The following NR2F1-AS1 variants were observed in gnomAD, a reference collection of about 807,000 sequenced individuals.
The protein encoded by NR2F1-AS1 is NR2F1 antisense RNA 1.
At chr5:93,419,126 G>A (rs935064956) in intron 4 of NR2F1-AS1, among the ~76,000 whole-genome samples, 16 of 152,306 alleles carry the variant, frequency 1.1e-4, no homozygotes, top group South Asian at 2.1e-4. Flanking sequence ...ACAGTTGAAG[G>A]ATGATTAATT....
At chr5:93,433,430 C>G (rs1749367829) in intron 4 of NR2F1-AS1, among the ~76,000 whole-genome samples, 1 of 152,122 alleles carries the variant, frequency 6.6e-6, no homozygotes, top group Admixed American at 6.6e-5. Context: ...CTCTAAGAAA[C>G]AAAGAAATGA....
intron 4 of NR2F1-AS1, among the ~76,000 whole-genome samples, chr5:93,449,088 T>C (rs1749776175): frequency 6.6e-6 from 1 of 152,104 alleles, no homozygotes; most frequent in Admixed American, 6.6e-5. Flanking sequence ...AAAAACTGTT[T>C]ATATAAAGTA....
chr5:93,413,373 T>C (rs1004373306), intron 4 of NR2F1-AS1, among the ~76,000 whole-genome samples: 1 of 152,002 alleles, frequency 6.6e-6, no homozygotes, highest in Non-Finnish European at 1.5e-5. Context: ...AGTTAAACTT[T>C]TTGTAAGTGG....
At chr5:93,532,482 C>CT (rs1464094426) in intron 4 of NR2F1-AS1, among the ~76,000 whole-genome samples, 1 of 152,114 alleles carries the variant, frequency 6.6e-6, no homozygotes, top group Non-Finnish European at 1.5e-5. Context: ...GGCAGAAGGC[C>CT]TGTGTGTGAA....
At chr5:93,534,701 C>T (rs1751803727) in intron 4 of NR2F1-AS1, among the ~76,000 whole-genome samples, 1 of 152,114 alleles carries the variant, frequency 6.6e-6, no homozygotes, top group African/African-American at 2.4e-5. Context: ...TCCTATGACC[C>T]TGCCAGGCAG....
intron 4 of NR2F1-AS1, among the ~76,000 whole-genome samples, chr5:93,445,293 T>C (rs1223399064): frequency 6.6e-6 from 1 of 152,016 alleles, no homozygotes; most frequent in Non-Finnish European, 1.5e-5. Flanking sequence ...ACAAAATTGA[T>C]AGACAACTAG....
In NR2F1-AS1 at chr5:93,524,912, T is replaced by C. The variant is rs529281442; in HGVS notation, n.638+28849A>G. Among the ~76,000 whole-genome samples, 11 of 152,166 alleles carry C rather than the reference T, an allele frequency of 7.2e-5. No homozygotes were observed. The East Asian group carries it at 2.1e-3, about 29-fold the overall frequency. ...CAGCCACTGCAAAAACATACCAAAT[T>C]GTAAAGACCACTGACACTATGAAGA... On this transcript the variant is annotated intron_variant and non_coding_transcript_variant, in intron 4 of 5. Transcript: ENST00000660523.
rs972431531 is a variant in NR2F1-AS1, at chr5:93,579,346, G to T, written n.313+1121C>A. Among the ~76,000 whole-genome samples the T allele has an allele frequency of 3.3e-5, 5 of 152,130 alleles. No individual in the cohort carries two copies. Among genetic ancestry groups the T allele is most frequent in the African/African-American group, 9.7e-5 (4 of 41,446 alleles). ...CTTCACCCTCCTCCTTCCTTCCGGA[G>T]GAGCCCGCGGCTTCGCCTGAGGCCT... On this transcript the variant is annotated intron_variant and non_coding_transcript_variant, in intron 1 of 5. Transcript: ENST00000660523. This position sits in a 1 kb window ranked among gnomAD's most constrained non-coding sequence, Gnocchi z 5.1.
chr5:93,464,548 CAT>C (rs1229532016), intron 4 of NR2F1-AS1, among the ~76,000 whole-genome samples: 6 of 152,122 alleles, frequency 3.9e-5, no homozygotes, highest in Non-Finnish European at 7.3e-5. Context: ...ATTAACAGCA[CAT>C]GATTAAATAT....
intron 4 of NR2F1-AS1, chr5:93,553,655 T>C (rs147919621): frequency 2.6e-4 from 39 of 152,372 alleles, no homozygotes; most frequent in African/African-American, 9.1e-4. Flanking sequence ...AACATTCCAA[T>C]AATGTCTCAT....
intron 4 of NR2F1-AS1, among the ~76,000 whole-genome samples, chr5:93,532,886 G>C (rs1007502314): frequency 2.6e-5 from 4 of 152,082 alleles, no homozygotes; most frequent in African/African-American, 9.7e-5. Context: ...AACCACAAAT[G>C]GTATAAGTCA....
chr5:93,419,919 G>A (rs371290966), intron 4 of NR2F1-AS1, among the ~76,000 whole-genome samples: 44 of 152,214 alleles, frequency 2.9e-4, no homozygotes, highest in African/African-American at 9.1e-4. Flanking sequence ...TCTTGGGGCC[G>A]GGCATGGTGG....
chr5:93,508,617 G>GT (rs1751234214), intron 4 of NR2F1-AS1, among the ~76,000 whole-genome samples: 1 of 151,882 alleles, frequency 6.6e-6, no homozygotes, highest in Non-Finnish European at 1.5e-5. Context: ...TATTTACACA[G>GT]TAAGTTTTGA....
chr5:93,569,184 G>A (rs959159126), intron 1 of NR2F1-AS1, among the ~76,000 whole-genome samples: 2 of 151,976 alleles, frequency 1.3e-5, no homozygotes, highest in Admixed American at 6.6e-5. Context: ...TCCTCTCTCT[G>A]GACCCTAAAA....
intron 4 of NR2F1-AS1, among the ~76,000 whole-genome samples, chr5:93,490,193 G>A (rs1750806692): frequency 6.6e-6 from 1 of 152,206 alleles, no homozygotes. Context: ...AATGTAAACT[G>A]TACATGTATA....
upstream of NR2F1-AS1, among the ~76,000 whole-genome samples, chr5:93,581,729 T>TCTCTCC (rs1554074090): frequency 2.3e-4 from 8 of 35,540 alleles, no homozygotes; most frequent in South Asian, 2.2e-3. Context: ...TCTCTCTCTC[T>TCTCTCC]CTCTCCCCCT....
chr5:93,431,819 T>C (rs188086503), intron 4 of NR2F1-AS1, among the ~76,000 whole-genome samples: 195 of 152,300 alleles, frequency 1.3e-3, no homozygotes, highest in Admixed American at 2.7e-3. Flanking sequence ...AAAAATAAAA[T>C]AACCCTCTTT....
intron 4 of NR2F1-AS1, among the ~76,000 whole-genome samples, chr5:93,458,816 C>G (rs1457867575): frequency 6.6e-6 from 1 of 151,942 alleles, no homozygotes; most frequent in African/African-American, 2.4e-5. Context: ...TTGAGACCAG[C>G]CTGGCCAACA....
At chr5:93,581,369 T>C (rs1365996502), upstream of NR2F1-AS1, 1 of 151,978 alleles carries the variant, frequency 6.6e-6, no homozygotes, top group Non-Finnish European at 1.5e-5. Flanking sequence ...GGGGTGCGAG[T>C]ATGCGATTGG....
Sources: gnomAD v4.1 joint callset for allele counts (sites outside exome capture counted in the v4.1 genomes callset) on GRCh38, gnomAD v4.1.1 for gene constraint, Gnocchi (gnomAD v3.1) non-coding constraint, MANE v1.5 for transcripts, NCBI Gene and HGNC (gene_info 2026-07-23, HGNC 2026-07-21) for gene names.